The following DPY30 variants were observed in gnomAD, a reference collection of about 807,000 sequenced individuals.
DPY30 encodes dpy-30 histone methyltransferase complex regulatory subunit, also known as protein dpy-30 homolog.
Under a neutral mutation model 16.2 loss-of-function variants are expected in DPY30, and 6 were observed. The observed-to-expected ratio is 0.37, with a 90% CI of 0.20 to 0.73. The LOEUF (loss-of-function observed/expected upper bound fraction) is 0.73, where lower values mean the gene tolerates loss of function less well. Among genes scored for constraint, DPY30 ranks in the 30% least tolerant of loss-of-function variants. DPY30 has a pLI of 0.51. For missense variants in DPY30, 73 were observed against 113.1 expected, an observed-to-expected ratio of 0.65 and a Z score of 1.61; for synonymous variants, 39 against 38.8, an observed-to-expected ratio of 1.00 and a Z score of -0.02.
At chr2:32,030,858 G>A (rs1675513162) in intron 3 of DPY30, among the ~76,000 whole-genome samples, 1 of 151,884 alleles carries the variant, frequency 6.6e-6, no homozygotes, top group Non-Finnish European at 1.5e-5. Context: ...AATACATTAT[G>A]TAAATAATAA....
chr2:32,027,264 C>G (rs1418478703), intron 4 of DPY30, among the ~76,000 whole-genome samples: 1 of 120,450 alleles, frequency 8.3e-6, no homozygotes, highest in Non-Finnish European at 1.6e-5. Flanking sequence ...AACAGAGACT[C>G]TGTCTCAAAA....
At chr2:32,027,423 A>G (rs1289449171) in intron 4 of DPY30, among the ~76,000 whole-genome samples, 1 of 151,172 alleles carries the variant, frequency 6.6e-6, no homozygotes, top group Non-Finnish European at 1.5e-5. Context: ...CCAGCTACTC[A>G]GGAGGCTGAG....
chr2:32,013,390 T>C (rs1047905573), intron 5 of DPY30: 4 of 152,200 alleles, frequency 2.6e-5, no homozygotes, highest in Non-Finnish European at 5.9e-5. Flanking sequence ...AATTATGTTA[T>C]CTCTAGGATG....
downstream of DPY30, among the ~76,000 whole-genome samples, chr2:32,021,484 C>T (rs1422556730): frequency 6.6e-6 from 1 of 151,856 alleles, no homozygotes; most frequent in Non-Finnish European, 1.5e-5. Context: ...TCAAGACCAG[C>T]CTGGCCAACA....
chr2:32,026,547 T>G (rs911852859), intron 4 of DPY30, among the ~76,000 whole-genome samples: 26 of 152,222 alleles, frequency 1.7e-4, no homozygotes, highest in Non-Finnish European at 3.5e-4. Context: ...TCCCAACACT[T>G]CAGGAGGCCG....
intron 4 of DPY30, among the ~76,000 whole-genome samples, chr2:32,028,816 A>G (rs1216834540): frequency 1.7e-4 from 26 of 152,010 alleles, no homozygotes; most frequent in Admixed American, 1.7e-3. Flanking sequence ...TACAATAATC[A>G]GCCAGGCGTG....
downstream of DPY30, chr2:32,020,984 AT>A: frequency 6.6e-6 from 1 of 150,832 alleles, no homozygotes; most frequent in Non-Finnish European, 1.5e-5. Flanking sequence ...AAAAAAAAAA[AT>A]TGGCCGGGCA....
At chr2:32,034,400 C>A (rs948813685) in intron 3 of DPY30, among the ~76,000 whole-genome samples, 4 of 152,122 alleles carry the variant, frequency 2.6e-5, no homozygotes, top group African/African-American at 9.7e-5. Context: ...TGGTGTGTCA[C>A]ATAACAAGAG....
intron 3 of DPY30, among the ~76,000 whole-genome samples, chr2:32,034,056 A>G (rs1573004379): frequency 6.6e-6 from 1 of 152,188 alleles, no homozygotes; most frequent in African/African-American, 2.4e-5. Flanking sequence ...CTGGAAGACC[A>G]AAACAACTAA....
At position 32,018,483 on chromosome 2, in the gene DPY30, T is replaced by G. The variant is rs537524024; in HGVS notation, n.377+4939A>C. Among the ~76,000 whole-genome samples the G allele has an allele frequency of 4.1e-3, 631 of 152,260 alleles. 2 individuals are homozygous for G. Among genetic ancestry groups the G allele is most frequent in the Non-Finnish European group, 6.0e-3 (405 of 68,020 alleles). ...TGGCTCACGCCTGTAATCCCAGCAC[T>G]TTGAGAGGCTTAGGCAGGTGGATCA... On this transcript the variant is annotated intron_variant and non_coding_transcript_variant, in intron 5 of 5. Transcript: ENST00000414013.
intron 5 of DPY30, among the ~76,000 whole-genome samples, chr2:32,014,316 A>T (rs980171111): frequency 6.6e-6 from 1 of 152,168 alleles, no homozygotes; most frequent in Non-Finnish European, 1.5e-5. Flanking sequence ...GACAAAAAAA[A>T]GCTAAAAATA....
At chr2:32,024,866 T>C (rs1675273013) in intron 4 of DPY30, among the ~76,000 whole-genome samples, 1 of 152,208 alleles carries the variant, frequency 6.6e-6, no homozygotes, top group South Asian at 2.1e-4. Flanking sequence ...AATAATTCTA[T>C]TTAATACAAC....
chr2:32,037,843 A>T (rs1363201838), intron 3 of DPY30, among the ~76,000 whole-genome samples: 1 of 151,922 alleles, frequency 6.6e-6, no homozygotes, highest in Non-Finnish European at 1.5e-5. Context: ...ATGAGCCACC[A>T]CGCCCAGCCT....
chr2:32,023,720 T>A (rs942835816), downstream of DPY30: 1 of 1,304,118 alleles, frequency 7.7e-7, no homozygotes, highest in Non-Finnish European at 1.0e-6. Flanking sequence ...GATCCCACCC[T>A]CAGAAAGGTC....
rs1170359207 is a variant in DPY30, at chr2:32,039,796, C to T, written c.-100G>A. ...CGCCACCAGCTCCCAGCACAAACAG[C>T]TCCGGCCGTAAGTGACGGCTGTCGC... On this transcript the variant is annotated 5_prime_UTR_variant, in exon 1 of 5. Transcript: ENST00000342166. 3 of 382,832 alleles carry T rather than the reference C, an allele frequency of 7.8e-6. No individual in the cohort carries two copies. Among genetic ancestry groups the T allele is most frequent in the African/African-American group, 4.0e-5 (2 of 49,706 alleles). The allele number at this position is 382,832 out of a possible 1,614,324, so 23.7% of individuals were successfully genotyped here.
At chr2:32,039,391 C>G in intron 2 of DPY30, 30 bp downstream of exon 2, 1 of 1,614,126 alleles carries the variant, frequency 6.2e-7, no homozygotes, top group South Asian at 1.1e-5. Flanking sequence ...CCCTGCACAC[C>G]GCCACCCTGA....
chr2:32,037,673 T>G (rs989483919), intron 3 of DPY30, among the ~76,000 whole-genome samples: 2 of 151,926 alleles, frequency 1.3e-5, no homozygotes, highest in Non-Finnish European at 2.9e-5. Context: ...TTCTCCTGCC[T>G]CAGCCTCCTG....
intron 5 of DPY30, among the ~76,000 whole-genome samples, chr2:32,015,084 CAA>C (rs35831269): frequency 2.3e-4 from 33 of 144,450 alleles, no homozygotes; most frequent in African/African-American, 8.1e-4. Flanking sequence ...ACATACCAAA[CAA>C]AAAAAAAAAC....
chr2:32,033,501 C>A (rs1185242960), intron 3 of DPY30, among the ~76,000 whole-genome samples: 2 of 151,824 alleles, frequency 1.3e-5, no homozygotes, highest in Non-Finnish European at 2.9e-5. Flanking sequence ...GGAGAAACCA[C>A]AACTCTATTA....
Sources: gnomAD v4.1 joint callset for allele counts (sites outside exome capture counted in the v4.1 genomes callset) on GRCh38, gnomAD v4.1.1 for gene constraint, MANE v1.5 for transcripts, NCBI Gene and HGNC (gene_info 2026-07-23, HGNC 2026-07-21) for gene names.